CAMKK1: variants seen among roughly 807,000 people sequenced by gnomAD.
The protein encoded by CAMKK1 is calcium/calmodulin dependent protein kinase kinase 1, also known as calcium/calmodulin-dependent protein kinase kinase 1.
In CAMKK1, 20 loss-of-function variants were observed where a neutral mutation model predicts 63.5. The observed-to-expected ratio is 0.32, with a 90% CI of 0.22 to 0.46. CAMKK1 has a LOEUF of 0.46. Among genes scored for constraint, CAMKK1 ranks in the 20% least tolerant of loss-of-function variants. CAMKK1 has a pLI of 1.00. For synonymous variants in CAMKK1, 253 were observed against 269.0 expected (o/e 0.94, Z 0.58); for missense variants, 588 against 658.1 (o/e 0.89, Z 1.17).
At chr17:3,863,069 A>G (rs1240143857) in intron 15 of CAMKK1, among the ~76,000 whole-genome samples, 1 of 152,220 alleles carries the variant, frequency 6.6e-6, no homozygotes, top group Non-Finnish European at 1.5e-5. Flanking sequence ...CACATATTCA[A>G]CAGATTTCTA....
chr17:3,862,320 G>C lies in CAMKK1; in HGVS notation c.1446-37C>G. The C allele has an allele frequency of 6.8e-7, 1 of 1,470,440 alleles. No individual in the cohort carries two copies. Among genetic ancestry groups the C allele is most frequent in the Non-Finnish European group, 9.3e-7 (1 of 1,070,978 alleles). 91.1% of individuals were successfully genotyped at this position (1,470,440 alleles called of 1,614,324 possible). A position where few individuals can be genotyped will look rare whatever the true frequency, so the allele number is the denominator to read the frequency against. ...ACACCAGGGACAGAGGGACCTCAGG[G>C]TCAGAATATGCACTCAGGGAGACAC... On this transcript the variant is annotated intron_variant, in intron 15 of 15. Coordinates refer to ENST00000348335, the MANE Select transcript of CAMKK1 (RefSeq NM_032294.3). This position sits in a 1 kb window ranked among gnomAD's most constrained non-coding sequence, Gnocchi z 4.1.
chr17:3,885,221 T>A, intron 2 of CAMKK1, 107 bp downstream of exon 2: 1 of 1,296,926 alleles, frequency 7.7e-7, no homozygotes, highest in Non-Finnish European at 1.0e-6. Context: ...TCTGAGGGTA[T>A]GCAAACCAAA....
At position 3,862,343 on chromosome 17, in the gene CAMKK1, C is replaced by G; in HGVS notation, c.1446-60G>C. 4.1e-6 allele frequency: 5 copies of G among 1,227,798 alleles called. No individual in the cohort carries two copies. Among genetic ancestry groups the G allele is most frequent in the Non-Finnish European group, 5.9e-6 (5 of 852,476 alleles). The allele number at this position is 1,227,798 out of a possible 1,614,324, so 76.1% of individuals were successfully genotyped here. Reference sequence around the variant, plus strand: ...GGGTCAGAATATGCACTCAGGGAGACACTCTCCCTCACACACACAGGAATC... The same window carrying G: ...GGGTCAGAATATGCACTCAGGGAGAGACTCTCCCTCACACACACAGGAATC... On this transcript the variant is annotated intron_variant, in intron 15 of 15. Transcript: ENST00000348335. This position sits in a 1 kb window ranked among gnomAD's most constrained non-coding sequence, Gnocchi z 4.1.
Position 3,862,148 on chromosome 17 carries a change from G to A in CAMKK1, c.*63C>T, listed in dbSNP as rs1406299845. The A allele has an allele frequency of 7.2e-7, 1 of 1,390,118 alleles. No homozygotes were observed. Among genetic ancestry groups the A allele is most frequent in the African/African-American group, 1.4e-5 (1 of 70,086 alleles). 86.1% of individuals were successfully genotyped at this position (1,390,118 alleles called of 1,614,324 possible). A position where few individuals can be genotyped will look rare whatever the true frequency, so the allele number is the denominator to read the frequency against. The stretch of plus-strand genomic sequence containing the variant: ...CCTGCGGGGGCGGCTGTTGCATGAG[G>A]GGTGGGCCTCTGGAGGCGCGGGATG... On this transcript the variant is annotated 3_prime_UTR_variant, in exon 16 of 16. Coordinates refer to ENST00000348335, the MANE Select transcript of CAMKK1 (RefSeq NM_032294.3). This position sits in a 1 kb window ranked among gnomAD's most constrained non-coding sequence, Gnocchi z 4.1.
intron 10 of CAMKK1, among the ~76,000 whole-genome samples, chr17:3,874,064 A>G (rs1196957709): frequency 3.9e-5 from 6 of 152,250 alleles, no homozygotes; most frequent in African/African-American, 9.6e-5. Context: ...TTTCTCGCTT[A>G]TATGAGTGAT....
chr17:3,876,209 G>A lies in CAMKK1; in HGVS notation c.996+14C>T. On this transcript the variant is annotated intron_variant, in intron 10 of 15. Transcript: ENST00000348335. ...CCACTTGAACCCCAGCCTGGCCCAG[G>A]GCCTGCGAGTCACCTTCCCACTGAA... 1.9e-6 allele frequency: 3 copies of A among 1,612,242 alleles called. No homozygotes were observed. The African/African-American group carries it at 4.0e-5, about 21-fold the overall frequency.
At chr17:3,867,980 G>A (rs1415526982) in intron 14 of CAMKK1, among the ~76,000 whole-genome samples, 1 of 120,050 alleles carries the variant, frequency 8.3e-6, no homozygotes, top group East Asian at 2.6e-4. Context: ...ATCTGGGGGA[G>A]ATGCAGGCAC....
chr17:3,885,261 CAG>C, intron 2 of CAMKK1, 65 bp downstream of exon 2: 1 of 1,470,126 alleles, frequency 6.8e-7, no homozygotes, highest in South Asian at 1.4e-5. Flanking sequence ...CAGACAGGGG[CAG>C]GAAAGAGTCT....
chr17:3,867,840 A>T (rs1408308687), intron 14 of CAMKK1, among the ~76,000 whole-genome samples: 1 of 152,266 alleles, frequency 6.6e-6, no homozygotes, highest in Non-Finnish European at 1.5e-5. Context: ...CAGTGGCCCC[A>T]GGTGGCCACG....
rs1230306712 is a variant in CAMKK1 at position 3,892,587 on chromosome 17, G to A, written c.-44+352C>T. Among the ~76,000 whole-genome samples the A allele has an allele frequency of 6.6e-6, 1 of 152,288 alleles. No homozygotes were observed. Among genetic ancestry groups the A allele is most frequent in the South Asian group, 2.1e-4 (1 of 4,826 alleles). On this transcript the variant is annotated intron_variant, in intron 1 of 15. Transcript: ENST00000348335. The surrounding 1 kb of genome is among the most constrained non-coding windows in gnomAD (Gnocchi z 7.5). Reference sequence around the variant, plus strand: ...GCGGAGAACCGCACGTGGGTGCCCCGGGCCGGGCCCACTCCGCACAGACGT... The same window carrying A: ...GCGGAGAACCGCACGTGGGTGCCCCAGGCCGGGCCCACTCCGCACAGACGT...
At chr17:3,865,391 C>A (rs1043324693) in intron 15 of CAMKK1, 180 of 991,442 alleles carry the variant, frequency 1.8e-4, no homozygotes, top group Non-Finnish European at 2.0e-4. Context: ...GGGCACAGAG[C>A]CCCAGCAATG....
chr17:3,881,978 ACTAAAGCCTCAGCCT>A, intron 7 of CAMKK1: 1 of 525,782 alleles, frequency 1.9e-6, no homozygotes, highest in Non-Finnish European at 3.4e-6. Context: ...GGGAGTGGAG[ACTAAAGCCTCAGCCT>A]CTAATTCCTA....
chr17:3,881,702 C>T, intron 7 of CAMKK1, 54 bp from the exon 8 acceptor site: 1 of 1,518,462 alleles, frequency 6.6e-7, no homozygotes, highest in East Asian at 2.4e-5. Context: ...GCAGCCGATG[C>T]CAAGGTCCCT....
chr17:3,866,154 A>G, intron 14 of CAMKK1, 143 bp from the exon 15 acceptor site: 1 of 984,142 alleles, frequency 1.0e-6, no homozygotes, highest in Non-Finnish European at 1.5e-6. Context: ...TGGCAGAGGC[A>G]AGAACACGGG....
intron 10 of CAMKK1, among the ~76,000 whole-genome samples, chr17:3,874,841 G>A (rs2055067390): frequency 6.6e-6 from 1 of 151,916 alleles, no homozygotes; most frequent in Non-Finnish European, 1.5e-5. Context: ...TTAATTTCTG[G>A]CTGGGCGTGG....
At position 3,887,609 on chromosome 17, in the gene CAMKK1, T is replaced by G. The variant is rs1356588559; in HGVS notation, c.-43-1879A>C. Among the ~76,000 whole-genome samples, 3 of 137,204 alleles carry G rather than the reference T, an allele frequency of 2.2e-5. No individual in the cohort carries two copies. Among genetic ancestry groups the G allele is most frequent in the Admixed American group, 7.1e-5 (1 of 14,044 alleles). 90.0% of individuals were successfully genotyped at this position (137,204 alleles called of 152,430 possible). A position where few individuals can be genotyped will look rare whatever the true frequency, so the allele number is the denominator to read the frequency against. On this transcript the variant is annotated intron_variant, in intron 1 of 15. Transcript: ENST00000348335. The surrounding 1 kb of genome is among the most constrained non-coding windows in gnomAD (Gnocchi z 6.1). ...GGAGGAGGTGAGAGGGGACAGGGAG[T>G]GGGGCTGTGGCACAGGGAGGCCTCC... is the stretch of plus-strand genomic sequence containing the variant.
Position 3,890,296 on chromosome 17 carries a change from C to T in CAMKK1, c.-44+2643G>A, listed in dbSNP as rs906677841. 6.6e-6 allele frequency among the ~76,000 whole-genome samples: 1 copy of T among 152,192 alleles called. No homozygotes were observed. Among genetic ancestry groups the T allele is most frequent in the Non-Finnish European group, 1.5e-5 (1 of 68,022 alleles). ...CCTGCTGTGAGGACGCCCGCTCCCA[C>T]CATCCCTGGGGAGCCCCCAAGCACC... On this transcript the variant is annotated intron_variant, in intron 1 of 15. Transcript: ENST00000348335. This position sits in a 1 kb window ranked among gnomAD's most constrained non-coding sequence, Gnocchi z 6.5.
intron 14 of CAMKK1, among the ~76,000 whole-genome samples, chr17:3,866,286 G>A (rs2054520933): frequency 6.6e-6 from 1 of 152,242 alleles, no homozygotes; most frequent in Admixed American, 6.5e-5. Flanking sequence ...AGTGGGGAGG[G>A]CCAGGGCTGG....
At position 3,883,244 on chromosome 17, in the gene CAMKK1, T is replaced by A; in HGVS notation, c.515-69A>T. ...GGCCTCACCGTGGCCCCCAAACCAG[T>A]CTCAAGCAAGAGTCTTGCATGCCCG... On this transcript the variant is annotated intron_variant, in intron 5 of 15. Transcript: ENST00000348335. This position sits in a 1 kb window ranked among gnomAD's most constrained non-coding sequence, Gnocchi z 4.7. 6.3e-7 allele frequency: 1 copy of A among 1,592,130 alleles called. No homozygotes were observed. Among genetic ancestry groups the A allele is most frequent in the Non-Finnish European group, 8.6e-7 (1 of 1,168,702 alleles).
Sources: gnomAD v4.1 joint callset for allele counts (sites outside exome capture counted in the v4.1 genomes callset) on GRCh38, gnomAD v4.1.1 for gene constraint, Gnocchi (gnomAD v3.1) non-coding constraint, MANE v1.5 for transcripts, NCBI Gene and HGNC (gene_info 2026-07-23, HGNC 2026-07-21) for gene names.